The following CCDC93 variants were observed in gnomAD, a reference collection of about 807,000 sequenced individuals.
CCDC93 encodes coiled-coil domain-containing protein 93.
In CCDC93, 61 loss-of-function variants were observed where a neutral mutation model predicts 108.2. The ratio of observed to expected loss-of-function variants is 0.56; its 90% confidence interval spans 0.46 to 0.70. CCDC93 has a LOEUF of 0.70. CCDC93 is among the 30% of genes least tolerant of loss of function. The probability of loss-of-function intolerance (pLI) is 0.00; values close to 1 mark genes in which losing one functional copy is unlikely to be tolerated. For missense variants in CCDC93, 685 were observed against 764.2 expected (o/e 0.90, Z 1.22); for synonymous variants, 276 against 260.4 (o/e 1.06, Z -0.58).
intron 19 of CCDC93, among the ~76,000 whole-genome samples, chr2:117,940,453 G>T (rs1016053373): frequency 6.6e-6 from 1 of 152,216 alleles, no homozygotes; most frequent in Non-Finnish European, 1.5e-5. Flanking sequence ...AGGCCAGAGT[G>T]AGGGTTCAGA....
chr2:117,970,733 C>A (rs897567936), intron 11 of CCDC93, among the ~76,000 whole-genome samples: 3 of 152,192 alleles, frequency 2.0e-5, no homozygotes, highest in African/African-American at 4.8e-5. Flanking sequence ...CCTGTACTTA[C>A]ACAGAACCAT....
At chr2:117,971,772 A>G (rs1020075450) in intron 11 of CCDC93, among the ~76,000 whole-genome samples, 15 of 152,202 alleles carry the variant, frequency 9.9e-5, no homozygotes, top group Non-Finnish European at 2.1e-4. Context: ...TGATGATTAC[A>G]ACTATACACA....
intron 23 of CCDC93, among the ~76,000 whole-genome samples, chr2:117,928,330 A>C (rs887456888): frequency 1.3e-5 from 2 of 152,132 alleles, no homozygotes; most frequent in Non-Finnish European, 2.9e-5. Flanking sequence ...AGGCAACCTA[A>C]AGAATGGGAG....
At chr2:117,942,430 C>T (rs1678730101) in intron 18 of CCDC93, among the ~76,000 whole-genome samples, 1 of 152,178 alleles carries the variant, frequency 6.6e-6, no homozygotes, top group African/African-American at 2.4e-5. Context: ...GCCAGTCCCT[C>T]TTCAACCCAC....
chr2:117,932,578 C>T (rs966951617), intron 22 of CCDC93, among the ~76,000 whole-genome samples: 1 of 152,232 alleles, frequency 6.6e-6, no homozygotes, highest in African/African-American at 2.4e-5. Context: ...ATACGGATGC[C>T]TGGTGCACAC....
chr2:117,953,976 A>G (rs1679141313), intron 12 of CCDC93, among the ~76,000 whole-genome samples: 2 of 152,192 alleles, frequency 1.3e-5, no homozygotes, highest in African/African-American at 4.8e-5. Context: ...GGCATCATCT[A>G]TGGACATCAG....
chr2:117,924,330 T>C (rs953393555), intron 23 of CCDC93, among the ~76,000 whole-genome samples: 2 of 152,136 alleles, frequency 1.3e-5, no homozygotes, highest in African/African-American at 4.8e-5. Flanking sequence ...CAAACTACTC[T>C]GAGCTAAAGG....
chr2:117,937,034 T>C, intron 20 of CCDC93: 1 of 424,288 alleles, frequency 2.4e-6, no homozygotes, highest in Non-Finnish European at 4.4e-6. Context: ...GAGAGGACAC[T>C]AAGCTAACAC....
At chr2:117,933,441 C>T (rs1356472321) in intron 22 of CCDC93, among the ~76,000 whole-genome samples, 1 of 152,182 alleles carries the variant, frequency 6.6e-6, no homozygotes. Flanking sequence ...AGTGCTTGTG[C>T]CAAGCACTTG....
chr2:117,933,219 A>G (rs1212365734), intron 22 of CCDC93, among the ~76,000 whole-genome samples: 1 of 152,232 alleles, frequency 6.6e-6, no homozygotes, highest in African/African-American at 2.4e-5. Flanking sequence ...TGAAATGGTA[A>G]GTGAATGATC....
intron 12 of CCDC93, 144 bp from the exon 13 acceptor site, chr2:117,952,579 TGAA>T: frequency 1.6e-6 from 1 of 644,768 alleles, no homozygotes; most frequent in Non-Finnish European, 2.7e-6. Flanking sequence ...CAACAACAAA[TGAA>T]GAAAAAAACC....
At chr2:117,930,300 T>C (rs950826087) in intron 23 of CCDC93, among the ~76,000 whole-genome samples, 1 of 152,122 alleles carries the variant, frequency 6.6e-6, no homozygotes. Flanking sequence ...TGGATTTAGG[T>C]TAGGGAGAAG....
intron 2 of CCDC93, among the ~76,000 whole-genome samples, chr2:118,008,061 C>T (rs1044719093): frequency 6.6e-6 from 1 of 152,186 alleles, no homozygotes; most frequent in African/African-American, 2.4e-5. Context: ...TCTCTGTGTC[C>T]TCAACACCTA....
chr2:117,995,046 G>A (rs4849653), intron 6 of CCDC93, among the ~76,000 whole-genome samples: 59,225 of 152,014 alleles, frequency 0.39, 12,196 homozygotes, highest in East Asian at 0.67. Flanking sequence ...AGAGCTTCCC[G>A]CACACAGCTC....
At chr2:117,924,125 C>G (rs1677989480) in intron 23 of CCDC93, among the ~76,000 whole-genome samples, 1 of 152,186 alleles carries the variant, frequency 6.6e-6, no homozygotes, top group African/African-American at 2.4e-5. Context: ...AAAACCCCAT[C>G]TGTACATCAC....
intron 4 of CCDC93, chr2:117,997,531 C>T (rs1012269258): frequency 6.6e-6 from 1 of 152,170 alleles, no homozygotes; most frequent in Non-Finnish European, 1.5e-5. Flanking sequence ...GCACGGTGTT[C>T]CCGCAGATGT....
At chr2:117,923,201 C>T (rs1267822057) in intron 23 of CCDC93, among the ~76,000 whole-genome samples, 4 of 152,072 alleles carry the variant, frequency 2.6e-5, no homozygotes, top group Non-Finnish European at 5.9e-5. Context: ...AGGCAGAAGA[C>T]GGGTGATGTC....
intron 11 of CCDC93, among the ~76,000 whole-genome samples, chr2:117,970,499 T>C (rs1679726124): frequency 6.6e-6 from 1 of 151,990 alleles, no homozygotes; most frequent in South Asian, 2.1e-4. Context: ...ATTCCTTGTA[T>C]ATAATGAAAA....
At chr2:118,006,659 C>G (rs904540154) in intron 3 of CCDC93, 63 bp downstream of exon 3, 1 of 891,936 alleles carries the variant, frequency 1.1e-6, no homozygotes, top group Non-Finnish European at 1.9e-6. Context: ...TTCTGGCACA[C>G]AGTAGACACT....
Sources: allele counts gnomAD v4.1 joint callset (sites outside exome capture counted in the v4.1 genomes callset), GRCh38; gene constraint gnomAD v4.1.1; transcripts MANE v1.5; gene names NCBI Gene and HGNC (gene_info 2026-07-23, HGNC 2026-07-21).